Variants in SLC22A7 observed in about 807,000 individuals in gnomAD.
The protein encoded by SLC22A7 is solute carrier family 22 member 7, also known as hOAT2.
A neutral mutation model predicts 62.2 loss-of-function variants in SLC22A7; 48 were observed. The observed-to-expected ratio is 0.77, with a 90% CI of 0.61 to 0.98. SLC22A7 has a LOEUF of 0.98. SLC22A7 is among the 50% of genes least tolerant of loss of function. The pLI is 0.00. For synonymous variants in SLC22A7, 276 were observed against 314.8 expected, an observed-to-expected ratio of 0.88 and a Z score of 1.30; for missense variants, 581 against 703.8, an observed-to-expected ratio of 0.83 and a Z score of 1.97.
chr6:43,302,642 C>A lies in SLC22A7; in HGVS notation c.1277-13C>A. ...CCAAGGCCCTCTCACTACCTGAACCCGCTTCCCTCCAGATATGAAGTCCTG... is the reference window on the plus strand; with the variant it reads ...CCAAGGCCCTCTCACTACCTGAACCAGCTTCCCTCCAGATATGAAGTCCTG... On this transcript the variant is annotated splice_polypyrimidine_tract_variant and intron_variant, in intron 8 of 10. Transcript: ENST00000372585. The surrounding 1 kb of genome is among the most constrained non-coding windows in gnomAD (Gnocchi z 5.0). The A allele has an allele frequency of 5.1e-6, 8 of 1,581,554 alleles. No homozygotes were observed. The highest frequency in any genetic ancestry group is 6.0e-6 in the Non-Finnish European group (7 of 1,158,006).
At position 43,302,775 on chromosome 6, in the gene SLC22A7, T is replaced by C. The variant is rs765585980; in HGVS notation, c.1385+12T>C. The C allele has an allele frequency of 6.4e-7, 1 of 1,559,816 alleles. No individual in the cohort carries two copies. The highest frequency in any genetic ancestry group is 8.8e-7 in the Non-Finnish European group (1 of 1,135,438). On this transcript the variant is annotated intron_variant, in intron 9 of 10. Coordinates refer to ENST00000372585, the MANE Select transcript of SLC22A7 (RefSeq NM_153320.2). The surrounding 1 kb of genome is among the most constrained non-coding windows in gnomAD (Gnocchi z 5.0). ...CCTACGGTGCTCAGGTGAGGAAGCC[T>C]GCAACTGATCTGGGGGTATGGGGCT...
intron 9 of SLC22A7, chr6:43,303,127 C>T (rs1778813931): frequency 1.0e-6 from 1 of 985,254 alleles, no homozygotes; most frequent in Non-Finnish European, 1.2e-6. Context: ...ACTATGTGAC[C>T]CTGAGCCACG....
intron 9 of SLC22A7, among the ~76,000 whole-genome samples, chr6:43,303,368 G>A (rs888245956): frequency 6.6e-6 from 1 of 152,188 alleles, no homozygotes; most frequent in African/African-American, 2.4e-5. Flanking sequence ...GCTGAGGCAG[G>A]AGAATCGCTC....
chr6:43,302,644 C>T lies in SLC22A7; in HGVS notation c.1277-11C>T. On this transcript the variant is annotated splice_polypyrimidine_tract_variant and intron_variant, in intron 8 of 10. Coordinates refer to ENST00000372585, the MANE Select transcript of SLC22A7 (RefSeq NM_153320.2). The surrounding 1 kb of genome is among the most constrained non-coding windows in gnomAD (Gnocchi z 5.0). ...AAGGCCCTCTCACTACCTGAACCCG[C>T]TTCCCTCCAGATATGAAGTCCTGGA... 6.3e-7 allele frequency: 1 copy of T among 1,587,774 alleles called. No homozygotes were observed. Among genetic ancestry groups the T allele is most frequent in the Non-Finnish European group, 8.6e-7 (1 of 1,162,714 alleles).
intron 6 of SLC22A7, 110 bp downstream of exon 6, chr6:43,301,368 GC>G: frequency 6.7e-7 from 1 of 1,497,280 alleles, no homozygotes; most frequent in Non-Finnish European, 9.1e-7. Flanking sequence ...AAGCCCCTGG[GC>G]CCCCACAGAG....
chr6:43,297,535 T>A (rs1351524759), upstream of SLC22A7, among the ~76,000 whole-genome samples: 2 of 152,004 alleles, frequency 1.3e-5, no homozygotes, highest in East Asian at 3.9e-4. Context: ...TAACTCCCCC[T>A]CCCCCATTCC....
chr6:43,298,965 A>G (rs1778635337), intron 1 of SLC22A7, 127 bp from the exon 2 acceptor site: 1 of 1,140,550 alleles, frequency 8.8e-7, no homozygotes, highest in African/African-American at 1.6e-5. Flanking sequence ...ATTAATTGGG[A>G]GGTGATTAAG....
rs768417541 is a variant in SLC22A7 at position 43,298,586 on chromosome 6, G to A, written c.228G>A (p.Thr76=). ...EAHLPREPDG[T]LSSCLRFAYP... is the part of the protein sequence containing the mutation. ...ATCTTCCCCGGGAGCCTGATGGCAC[G>A]CTCAGCTCCTGCCTCCGCTTTGCCT... The change falls in exon 1 of 11, where the codon ACG becomes ACA. Residue 76 remains threonine, a synonymous_variant. Transcript: ENST00000372585. 9 of 1,612,946 alleles carry A rather than the reference G, an allele frequency of 5.6e-6. No individual in the cohort carries two copies. Among genetic ancestry groups the A allele is most frequent in the South Asian group, 1.1e-5 (1 of 90,968 alleles).
Position 43,299,769 on chromosome 6 carries a change from G to T in SLC22A7, c.646G>T (p.Val216Leu), listed in dbSNP as rs775129520. 1 of 1,614,188 alleles carries T rather than the reference G, an allele frequency of 6.2e-7. No homozygotes were observed. The highest frequency in any genetic ancestry group is 8.5e-7 in the Non-Finnish European group (1 of 1,180,034). ...GSALAGFTII[V>L]MPLELEWLDV... ...AGCCCTGGCTGGTTTTACCATCATC[G>T]TGATGCCACTGGGTGAGGCAGGCAA... Residue 216 changes from valine (V) to leucine (L), a missense_variant, in exon 4 of 11, where the codon GTG becomes TTG. Physicochemically the swap from Val to Leu is conservative, Grantham distance 32 (BLOSUM62 1). Transcript: ENST00000372585. This position sits in a 1 kb window ranked among gnomAD's most constrained non-coding sequence, Gnocchi z 4.4.
intron 6 of SLC22A7, 89 bp downstream of exon 6, chr6:43,301,347 T>C: frequency 6.4e-7 from 1 of 1,569,108 alleles, no homozygotes; most frequent in Non-Finnish European, 8.7e-7. Context: ...GCCCACCATA[T>C]ATGGCAGGAA....
chr6:43,299,498 G>A lies in SLC22A7; in HGVS notation c.503+5G>A. ...CTTTGGATATCTGTCCGACAGGTGG[G>A]GTGAGGCACTGGGCCAATAAGAAAC... On this transcript the variant is annotated splice_donor_5th_base_variant and intron_variant, in intron 3 of 10. Transcript: ENST00000372585. The surrounding 1 kb of genome is among the most constrained non-coding windows in gnomAD (Gnocchi z 4.4). 6.2e-7 allele frequency: 1 copy of A among 1,610,448 alleles called. No individual in the cohort carries two copies. Among genetic ancestry groups the A allele is most frequent in the Non-Finnish European group, 8.5e-7 (1 of 1,177,746 alleles).
chr6:43,304,577 TG>T, intron 10 of SLC22A7, 93 bp from the exon 11 acceptor site: 3 of 1,060,004 alleles, frequency 2.8e-6, no homozygotes, highest in Admixed American at 4.1e-5. Context: ...TACCAGGAAC[TG>T]GGGTGAGCCC....
In SLC22A7 at chr6:43,300,003, G is replaced by T; in HGVS notation, c.764G>T (p.Arg255Leu). Residue 255 changes from arginine to leucine, a missense_variant, in exon 5 of 11, where the codon CGG (arginine) becomes CTG (leucine). By Grantham distance (102) the Arg-to-Leu change is moderately radical. Transcript: ENST00000372585. ...MLLALVGYLI[R>L]DWRWLLLAVT... The stretch of plus-strand genomic sequence containing the variant: ...CTGGCACTGGTTGGGTACCTGATAC[G>T]GGACTGGCGATGGCTTCTGCTAGCT... The T allele has an allele frequency of 6.2e-7, 1 of 1,614,150 alleles. No individual in the cohort carries two copies. Among genetic ancestry groups the T allele is most frequent in the Non-Finnish European group, 8.5e-7 (1 of 1,180,014 alleles).
chr6:43,301,284 T>C (rs1778735608), intron 6 of SLC22A7, 26 bp downstream of exon 6: 1 of 1,613,392 alleles, frequency 6.2e-7, no homozygotes, highest in South Asian at 1.1e-5. Flanking sequence ...TGTGTGAGCA[T>C]GCATATATGT....
chr6:43,300,403 C>T (rs965322016), intron 5 of SLC22A7, among the ~76,000 whole-genome samples: 2 of 152,018 alleles, frequency 1.3e-5, no homozygotes, highest in African/African-American at 4.8e-5. Flanking sequence ...GGAGGACAGG[C>T]AGGGTGGGCA....
At position 43,302,377 on chromosome 6, in the gene SLC22A7, G is replaced by T. The variant is rs759272463; in HGVS notation, c.1239G>T (p.Thr413=). Residue 413 remains threonine (T), a synonymous_variant, in exon 8 of 11, where the codon ACG becomes ACT. Coordinates refer to ENST00000372585, the MANE Select transcript of SLC22A7 (RefSeq NM_153320.2). The surrounding 1 kb of genome is among the most constrained non-coding windows in gnomAD (Gnocchi z 5.0). ...RLTQAGTLLG[T]ALAFGTRLLV... The stretch of plus-strand genomic sequence containing the variant: ...CGCAAGCCGGGACACTGCTGGGCAC[G>T]GCCCTGGCGTTCGGCACTAGACTGC... 6.2e-7 allele frequency: 1 copy of T among 1,610,130 alleles called. No homozygotes were observed. Among genetic ancestry groups the T allele is most frequent in the Non-Finnish European group, 8.5e-7 (1 of 1,179,010 alleles).
Position 43,303,175 on chromosome 6 carries a change from C to T in SLC22A7, c.1385+412C>T, listed in dbSNP as rs150368526. ...TCTGGGCCTCCTTAAGAAAACAACC[C>T]CAAGGCCGGGCACTGTGGCTCACGC... On this transcript the variant is annotated intron_variant, in intron 9 of 10. Coordinates refer to ENST00000372585, the MANE Select transcript of SLC22A7 (RefSeq NM_153320.2). The T allele has an allele frequency of 5.1e-6, 5 of 985,270 alleles. No individual in the cohort carries two copies. The East Asian group carries it at 5.7e-4, about 112-fold the overall frequency. The allele number at this position is 985,270 out of a possible 1,614,324, so 61.0% of individuals were successfully genotyped here. A position where few individuals can be genotyped will look rare whatever the true frequency, so the allele number is the denominator to read the frequency against.
At chr6:43,304,507 T>A (rs1391767404) in intron 10 of SLC22A7, 164 bp from the exon 11 acceptor site, 1 of 623,452 alleles carries the variant, frequency 1.6e-6, no homozygotes. Flanking sequence ...CACTCAAGTA[T>A]GCCTACACAT....
At position 43,301,271 on chromosome 6, in the gene SLC22A7, G is replaced by C. The variant is rs185174806; in HGVS notation, c.951+13G>C. The C allele has an allele frequency of 4.0e-5, 65 of 1,613,848 alleles. No individual in the cohort carries two copies. In the East Asian group the frequency reaches 1.3e-3, roughly 33 times the overall value. ...CTTCAGCCAGGAGGTGAGGGTGAAC[G>C]TGTGTGTGAGCATGCATATATGTGT... On this transcript the variant is annotated intron_variant, in intron 6 of 10. Transcript: ENST00000372585.
Sources: allele counts gnomAD v4.1 joint callset (sites outside exome capture counted in the v4.1 genomes callset), GRCh38; gene constraint gnomAD v4.1.1; non-coding constraint Gnocchi (gnomAD v3.1); transcripts MANE v1.5; gene names NCBI Gene and HGNC (gene_info 2026-07-23, HGNC 2026-07-21).